Variants in SSH1 observed in about 807,000 individuals in gnomAD.
The protein encoded by SSH1 is protein phosphatase Slingshot homolog 1.
SSH1 carries 43 observed loss-of-function variants against 79.7 expected under a neutral mutation model. The observed-to-expected ratio is 0.54, with a 90% CI of 0.42 to 0.70. The LOEUF (loss-of-function observed/expected upper bound fraction) is 0.70, where lower values mean the gene tolerates loss of function less well. Ranked by LOEUF, SSH1 falls within the 30% of genes least tolerant of loss-of-function variation. The pLI, the probability that SSH1 is intolerant of heterozygous loss-of-function variation, is 0.00. For synonymous variants in SSH1, 599 were observed against 538.3 expected, an observed-to-expected ratio of 1.11 and a Z score of -1.56; for missense variants, 1,206 against 1,358.8, an observed-to-expected ratio of 0.89 and a Z score of 1.77.
intron 11 of SSH1, among the ~76,000 whole-genome samples, chr12:108,802,049 C>T (rs1340228923): frequency 6.6e-6 from 1 of 152,184 alleles, no homozygotes; most frequent in Non-Finnish European, 1.5e-5. Flanking sequence ...AATATCCAGG[C>T]GGTCCTACAG....
rs981101198 is a variant in SSH1 at position 108,787,613 on chromosome 12, G to A, written c.*375C>T. On this transcript the variant is annotated 3_prime_UTR_variant, in exon 15 of 15. Coordinates refer to ENST00000326495, the MANE Select transcript of SSH1 (RefSeq NM_018984.4). ...TGCGAGGCCAAGAATGAGCTAGAAC[G>A]TGTGCCGCGGTGAGGCTGCCACCAC... 2.3e-5 allele frequency: 6 copies of A among 264,820 alleles called. No individual in the cohort carries two copies. The highest frequency in any genetic ancestry group is 5.0e-5 in the Admixed American group (1 of 20,138). 16.4% of individuals were successfully genotyped at this position (264,820 alleles called of 1,614,324 possible). A position where few individuals can be genotyped will look rare whatever the true frequency, so the allele number is the denominator to read the frequency against.
intron 6 of SSH1, among the ~76,000 whole-genome samples, chr12:108,810,578 C>T (rs1334453863): frequency 6.6e-6 from 1 of 151,824 alleles, no homozygotes; most frequent in African/African-American, 2.4e-5. Context: ...GAAAAATATC[C>T]CCATAACCCC....
rs966638757 is a variant in SSH1 at position 108,807,074 on chromosome 12, A to G, written c.731+559T>C. ...GGTCCTGACCCCGAGGGGAGGGGCG[A>G]CCAGCATTCTCCCTAACTAGACTTC... On this transcript the variant is annotated intron_variant, in intron 8 of 14. Transcript: ENST00000326495. This position sits in a 1 kb window ranked among gnomAD's most constrained non-coding sequence, Gnocchi z 5.2. Among the ~76,000 whole-genome samples the G allele has an allele frequency of 1.3e-5, 2 of 152,194 alleles. No homozygotes were observed. Among genetic ancestry groups the G allele is most frequent in the Admixed American group, 6.5e-5 (1 of 15,272 alleles).
At chr12:108,852,525 C>A in intron 2 of SSH1, 113 bp downstream of exon 2, 1 of 1,379,822 alleles carries the variant, frequency 7.2e-7, no homozygotes. Context: ...CCACCGCACC[C>A]AGCCCAAAAT....
chr12:108,799,673 G>A (rs2036903956), intron 12 of SSH1, among the ~76,000 whole-genome samples: 1 of 152,232 alleles, frequency 6.6e-6, no homozygotes, highest in Admixed American at 6.5e-5. Flanking sequence ...CAAACTGAAA[G>A]CTGCAAGGCC....
chr12:108,826,769 C>T (rs1398518888), intron 2 of SSH1, among the ~76,000 whole-genome samples: 2 of 152,176 alleles, frequency 1.3e-5, no homozygotes, highest in Non-Finnish European at 2.9e-5. Flanking sequence ...AAGTGTCCCA[C>T]TGGGGAAGTC....
intron 13 of SSH1, among the ~76,000 whole-genome samples, chr12:108,793,968 C>A (rs17040947): frequency 1.3e-5 from 2 of 152,156 alleles, no homozygotes; most frequent in Non-Finnish European, 2.9e-5. Context: ...GCACTGAGTG[C>A]GTGGCAGGCT....
intron 13 of SSH1, among the ~76,000 whole-genome samples, chr12:108,794,750 A>G (rs1264753096): frequency 6.6e-6 from 1 of 152,068 alleles, no homozygotes; most frequent in East Asian, 1.9e-4. Flanking sequence ...CACCTCCCTC[A>G]TATCTTGCCC....
intron 10 of SSH1, among the ~76,000 whole-genome samples, chr12:108,803,467 T>C (rs541017732): frequency 7.0e-6 from 1 of 142,304 alleles, no homozygotes; most frequent in East Asian, 2.1e-4. Context: ...TCCTTGAAAC[T>C]TCCTTTCCCA....
Position 108,818,267 on chromosome 12 carries a change from G to C in SSH1, c.261C>G (p.Cys87Trp). The change falls in exon 4 of 15, where the codon TGC becomes TGG. Residue 87 changes from cysteine to tryptophan, a missense_variant. Physicochemically the swap from Cys to Trp is radical, Grantham distance 215. Transcript: ENST00000326495. ...HLQVMINLLR[C>W]EDRIKLAVRL... Reference sequence around the variant, plus strand: ...TTCTTACCAGCTTGATTCTGTCTTCGCAACGCAGAAGGTTGATCATCACCT... The same window carrying C: ...TTCTTACCAGCTTGATTCTGTCTTCCCAACGCAGAAGGTTGATCATCACCT... The C allele has an allele frequency of 6.2e-7, 1 of 1,613,694 alleles. No homozygotes were observed. Among genetic ancestry groups the C allele is most frequent in the Non-Finnish European group, 8.5e-7 (1 of 1,179,926 alleles).
intron 13 of SSH1, among the ~76,000 whole-genome samples, chr12:108,793,213 T>C (rs1188880317): frequency 6.6e-6 from 1 of 152,154 alleles, no homozygotes; most frequent in Non-Finnish European, 1.5e-5. Context: ...CTACCTATAT[T>C]GTAGGGAAAT....
intron 2 of SSH1, among the ~76,000 whole-genome samples, chr12:108,844,579 T>C (rs2137269745): frequency 6.6e-6 from 1 of 152,290 alleles, no homozygotes; most frequent in East Asian, 1.9e-4. Flanking sequence ...CACACACAGA[T>C]TGACTGGTGG....
At chr12:108,804,555 G>A (rs1013832103) in intron 10 of SSH1, among the ~76,000 whole-genome samples, 2 of 152,210 alleles carry the variant, frequency 1.3e-5, no homozygotes, top group African/African-American at 2.4e-5. Flanking sequence ...CCCTGGAGCC[G>A]TGCATGGAAA....
intron 2 of SSH1, chr12:108,836,872 A>T (rs1321921543): frequency 1.9e-6 from 1 of 529,774 alleles, no homozygotes. Context: ...GTGGAATCAC[A>T]CAAGAACATC....
Position 108,787,945 on chromosome 12 carries a change from T to C in SSH1, c.*43A>G, listed in dbSNP as rs2036331188. ...ATCCACAGTGAAAGTGAGGGAGGGA[T>C]CATATGAAAATATCCGCCCAGCCTG... On this transcript the variant is annotated 3_prime_UTR_variant, in exon 15 of 15. Coordinates refer to ENST00000326495, the MANE Select transcript of SSH1 (RefSeq NM_018984.4). The C allele has an allele frequency of 6.2e-7, 1 of 1,611,292 alleles. No homozygotes were observed.
intron 2 of SSH1, among the ~76,000 whole-genome samples, chr12:108,832,895 A>G (rs2038508340): frequency 2.0e-5 from 3 of 152,200 alleles, no homozygotes; most frequent in South Asian, 2.1e-4. Flanking sequence ...TGAGCATAGA[A>G]AAATTCCAGC....
At chr12:108,794,968 G>A (rs2036682837) in intron 13 of SSH1, among the ~76,000 whole-genome samples, 1 of 152,104 alleles carries the variant, frequency 6.6e-6, no homozygotes, top group African/African-American at 2.4e-5. Flanking sequence ...TCTATGTTAT[G>A]CAAAAACGCA....
chr12:108,787,914 A>T lies in SSH1; in HGVS notation c.*74T>A. ...AGGGAAATCAAGATGTAAGGGGTCG[A>T]TCCAAATCCACAGTGAAAGTGAGGG... On this transcript the variant is annotated 3_prime_UTR_variant, in exon 15 of 15. Coordinates refer to ENST00000326495, the MANE Select transcript of SSH1 (RefSeq NM_018984.4). The T allele has an allele frequency of 6.3e-7, 1 of 1,585,180 alleles. No individual in the cohort carries two copies.
intron 10 of SSH1, among the ~76,000 whole-genome samples, chr12:108,803,118 T>C (rs2037096020): frequency 6.6e-6 from 1 of 152,192 alleles, no homozygotes. Context: ...CTTTCTTTCT[T>C]TGTGCGTTTT....
Sources: gnomAD v4.1 joint callset for allele counts (sites outside exome capture counted in the v4.1 genomes callset) on GRCh38, gnomAD v4.1.1 for gene constraint, Gnocchi (gnomAD v3.1) non-coding constraint, MANE v1.5 for transcripts, NCBI Gene and HGNC (gene_info 2026-07-23, HGNC 2026-07-21) for gene names.